SNX25: variants seen among roughly 807,000 people sequenced by gnomAD.
SNX25 encodes sorting nexin-25.
SNX25 carries 62 observed loss-of-function variants against 113.7 expected under a neutral mutation model. The observed-to-expected ratio is 0.55, with a 90% CI of 0.44 to 0.67. The LOEUF (loss-of-function observed/expected upper bound fraction) is 0.67. Ranked by LOEUF, SNX25 falls within the 30% of genes least tolerant of loss-of-function variation. The probability of loss-of-function intolerance (pLI) is 0.00; values close to 1 mark genes in which losing one functional copy is unlikely to be tolerated. For synonymous variants in SNX25, 421 were observed against 436.2 expected (o/e 0.97, Z 0.43); for missense variants, 1,014 against 1,161.0 (o/e 0.87, Z 1.84).
At chr4:185,275,891 G>A (rs961936337) in intron 5 of SNX25, among the ~76,000 whole-genome samples, 1 of 152,044 alleles carries the variant, frequency 6.6e-6, no homozygotes, top group Non-Finnish European at 1.5e-5. Context: ...AAGAATGAAT[G>A]AATATAAATT....
chr4:185,373,018 C>T (rs115304369), downstream of SNX25: 3 of 1,613,328 alleles, frequency 1.9e-6, no homozygotes, highest in Non-Finnish European at 2.5e-6. Context: ...GTACATGAGC[C>T]CAAGTGCACC....
At chr4:185,212,491 G>GTGTTTTTGTTTTTT (rs546083196) in intron 1 of SNX25, among the ~76,000 whole-genome samples, 4 of 104,942 alleles carry the variant, frequency 3.8e-5, no homozygotes, top group South Asian at 3.1e-4. Flanking sequence ...GTGTGTGTGT[G>GTGTTTTTGTTTTTT]TTTTTTTTTT....
intron 1 of SNX25, among the ~76,000 whole-genome samples, chr4:185,225,376 G>A (rs1020392581): frequency 2.5e-4 from 38 of 152,196 alleles, no homozygotes; most frequent in South Asian, 1.0e-3. Context: ...CGCCCACCTC[G>A]GCCTCCCAAA....
chr4:185,310,877 T>C lies in SNX25; in HGVS notation c.1344+61T>C. On this transcript the variant is annotated intron_variant, in intron 7 of 18. Transcript: ENST00000652585. ...AGTTTATTATAAATGCTGATAGAAC[T>C]ACATATAAAGACTTTCAACTTTTTA... The C allele has an allele frequency of 2.0e-6, 3 of 1,471,062 alleles. No individual in the cohort carries two copies. In the East Asian group the frequency reaches 6.9e-5, roughly 34 times the overall value. The allele number at this position is 1,471,062 out of a possible 1,614,324, so 91.1% of individuals were successfully genotyped here. A position where few individuals can be genotyped will look rare whatever the true frequency, so the allele number is the denominator to read the frequency against.
chr4:185,297,282 G>A (rs1031076124), intron 6 of SNX25, among the ~76,000 whole-genome samples: 1 of 152,196 alleles, frequency 6.6e-6, no homozygotes, highest in African/African-American at 2.4e-5. Flanking sequence ...ACACGTGGCT[G>A]CCATATTGGA....
At chr4:185,229,740 T>C (rs1056699009) in intron 1 of SNX25, among the ~76,000 whole-genome samples, 5 of 152,224 alleles carry the variant, frequency 3.3e-5, no homozygotes, top group Admixed American at 6.5e-5. Context: ...GTTTTAACCA[T>C]GTTAAATTTC....
chr4:185,266,637 C>T (rs761728878), intron 4 of SNX25, among the ~76,000 whole-genome samples: 21 of 152,200 alleles, frequency 1.4e-4, no homozygotes, highest in Non-Finnish European at 2.4e-4. Context: ...GCTGGGATTA[C>T]AGGTGTGAGC....
At chr4:185,351,403 T>C (rs778581472) in intron 13 of SNX25, 42 bp from the exon 14 acceptor site, 9 of 1,593,064 alleles carry the variant, frequency 5.6e-6, no homozygotes, top group African/African-American at 2.7e-5. Context: ...GCCACACAGA[T>C]AGTTTCCCAC....
chr4:185,331,737 C>T (rs1326021178), intron 9 of SNX25, among the ~76,000 whole-genome samples: 5 of 152,098 alleles, frequency 3.3e-5, no homozygotes, highest in East Asian at 1.9e-4. Context: ...GCTGAGATCA[C>T]GCCACTGCAC....
chr4:185,272,821 C>T (rs866346251), intron 5 of SNX25, among the ~76,000 whole-genome samples: 3 of 152,198 alleles, frequency 2.0e-5, no homozygotes, highest in African/African-American at 7.2e-5. Flanking sequence ...TCTTTTACCA[C>T]GTTTATTGCA....
At chr4:185,313,830 T>G (rs764704557) in intron 7 of SNX25, among the ~76,000 whole-genome samples, 1 of 152,182 alleles carries the variant, frequency 6.6e-6, no homozygotes, top group African/African-American at 2.4e-5. Context: ...TTACCAATAA[T>G]AGTCAGTTAA....
At chr4:185,341,013 G>T (rs1579854134) in intron 11 of SNX25, among the ~76,000 whole-genome samples, 1 of 152,226 alleles carries the variant, frequency 6.6e-6, no homozygotes, top group African/African-American at 2.4e-5. Context: ...TATCCTTACA[G>T]TGGGGTGGTA....
chr4:185,362,357 C>T (rs981571559), intron 17 of SNX25: 2 of 983,726 alleles, frequency 2.0e-6, no homozygotes, highest in Admixed American at 1.2e-4. Context: ...GTTTTGAGAG[C>T]TTAATTTTTA....
Position 185,258,922 on chromosome 4 carries a change from C to T in SNX25, c.589C>T (p.His197Tyr), listed in dbSNP as rs777856420. 3.7e-6 allele frequency: 6 copies of T among 1,614,028 alleles called. No homozygotes were observed. The East Asian group carries it at 1.3e-4, about 36-fold the overall frequency. The part of the protein sequence containing the change: ...NLSRDEGQLY[H>Y]LLLEDFWEIA... Reference sequence around the variant, plus strand: ...CAGCAGAGATGAGGGACAACTTTACCATCTGCTCTTGGAAGACTTTTGGGA... The same window carrying T: ...CAGCAGAGATGAGGGACAACTTTACTATCTGCTCTTGGAAGACTTTTGGGA... The change falls in exon 3 of 19, where the codon CAT becomes TAT. Residue 197 changes from histidine to tyrosine, a missense_variant. Coordinates refer to ENST00000652585, the MANE Select transcript of SNX25 (RefSeq NM_001378034.2).
At chr4:185,325,638 G>T (rs1444554588) in intron 9 of SNX25, among the ~76,000 whole-genome samples, 2 of 151,710 alleles carry the variant, frequency 1.3e-5, no homozygotes, top group Non-Finnish European at 2.9e-5. Flanking sequence ...TTATTAAATA[G>T]ACCTTTTAAA....
At chr4:185,277,297 A>G (rs1436673075) in intron 5 of SNX25, among the ~76,000 whole-genome samples, 1 of 152,226 alleles carries the variant, frequency 6.6e-6, no homozygotes, top group African/African-American at 2.4e-5. Context: ...TGCTGGGATT[A>G]CAGATATGAA....
At chr4:185,369,764 T>C (rs1026349120) in exon 12 of SNX25, 10 of 447,130 alleles carry the variant, frequency 2.2e-5, no homozygotes, top group Non-Finnish European at 4.5e-5. Flanking sequence ...CTTCAACAAA[T>C]ACGCTTCTGT....
chr4:185,297,027 C>A (rs1253217705), intron 6 of SNX25, among the ~76,000 whole-genome samples: 3 of 152,134 alleles, frequency 2.0e-5, no homozygotes, highest in East Asian at 3.9e-4. Flanking sequence ...CCTGGGCTAA[C>A]GCTCCCTGTC....
chr4:185,248,447 C>T (rs1745160972), intron 2 of SNX25, among the ~76,000 whole-genome samples: 1 of 151,456 alleles, frequency 6.6e-6, no homozygotes, highest in South Asian at 2.1e-4. Context: ...TGCTTGAGCC[C>T]AGGAGTCCAG....
Sources: gnomAD v4.1 joint callset for allele counts (sites outside exome capture counted in the v4.1 genomes callset) on GRCh38, gnomAD v4.1.1 for gene constraint, MANE v1.5 for transcripts, NCBI Gene and HGNC (gene_info 2026-07-23, HGNC 2026-07-21) for gene names.